ABCC12: variants seen among roughly 807,000 people sequenced by gnomAD.
ABCC12 encodes ATP-binding cassette sub-family C member 12.
A neutral mutation model predicts 151.1 loss-of-function variants in ABCC12; 142 were observed. The ratio of observed to expected loss-of-function variants is 0.94; its 90% CI spans 0.82 to 1.08. The LOEUF is 1.08. ABCC12 is among the 50% of genes least tolerant of loss of function. The pLI, the probability that ABCC12 is intolerant of heterozygous loss-of-function variation, is 0.00. For missense variants in ABCC12, 1,638 were observed against 1,691.1 expected (o/e 0.97, Z 0.55); for synonymous variants, 645 against 646.4 (o/e 1.00, Z 0.03).
At chr16:48,086,431 C>A in intron 28 of ABCC12, 1 of 277,570 alleles carries the variant, frequency 3.6e-6, no homozygotes, top group Non-Finnish European at 7.0e-6. Flanking sequence ...CTAGCCTGGG[C>A]ATGTTACTTC....
chr16:48,096,427 T>G (rs1963096111), intron 24 of ABCC12, among the ~76,000 whole-genome samples: 1 of 152,188 alleles, frequency 6.6e-6, no homozygotes, highest in Admixed American at 6.5e-5. Flanking sequence ...CCAATAACAG[T>G]AAAGCTCCAG....
Position 48,105,198 on chromosome 16 carries a change from CG to C in ABCC12, c.2613del (p.Phe871LeufsTer8), listed in dbSNP as rs1963446963. On this transcript the variant is annotated frameshift_variant, in exon 21 of 31. Coordinates refer to ENST00000311303, the MANE Select transcript of ABCC12 (RefSeq NM_001393797.1). LOFTEE classifies it high-confidence loss of function. ...GCCATCAGTGTGGTCTTGGTGAAGA[CG>C]AAGCCTTTGGTGACGCCAAACACCA... ...FMLVFGVTKG[F>X]VFTKTTLMAS... 1.9e-6 allele frequency: 3 copies of C among 1,614,168 alleles called. No homozygotes were observed. The East Asian group carries it at 6.7e-5, about 36-fold the overall frequency.
intron 7 of ABCC12, among the ~76,000 whole-genome samples, chr16:48,138,736 G>A (rs1277382151): frequency 6.6e-6 from 1 of 152,150 alleles, no homozygotes; most frequent in Non-Finnish European, 1.5e-5. Context: ...GGAGGCTGAG[G>A]CAGGAGGATG....
At chr16:48,137,081 C>T (rs1045472329) in intron 8 of ABCC12, among the ~76,000 whole-genome samples, 1 of 152,134 alleles carries the variant, frequency 6.6e-6, no homozygotes, top group Admixed American at 6.5e-5. Context: ...GCTGAGTGCA[C>T]AATGGATTGC....
chr16:48,085,025 C>G (rs1962524926), intron 29 of ABCC12, among the ~76,000 whole-genome samples: 1 of 152,014 alleles, frequency 6.6e-6, no homozygotes, highest in Admixed American at 6.6e-5. Flanking sequence ...GCATGCAGTG[C>G]CACGGCAGGC....
intron 1 of ABCC12, among the ~76,000 whole-genome samples, chr16:48,154,947 A>ACAGC (rs755487333): frequency 6.6e-6 from 1 of 152,218 alleles, no homozygotes; most frequent in Non-Finnish European, 1.5e-5. Flanking sequence ...CCCAACTCCC[A>ACAGC]CAGCCCCTTC....
rs1567441786 is a variant in ABCC12, at chr16:48,083,182, A to T, written c.*533T>A. 2 of 152,370 alleles carry T rather than the reference A, an allele frequency of 1.3e-5. No individual in the cohort carries two copies. Among genetic ancestry groups the T allele is most frequent in the South Asian group, 4.1e-4 (2 of 4,836 alleles). 9.4% of individuals were successfully genotyped at this position (152,370 alleles called of 1,614,324 possible). On this transcript the variant is annotated 3_prime_UTR_variant, in exon 31 of 31. Transcript: ENST00000311303. ...GAAACATATAATATGATTTTTAAAA[A>T]AATTTTTGGCCAAACACTGTATTCA...
intron 10 of ABCC12, 102 bp from the exon 11 acceptor site, chr16:48,128,839 T>C (rs1964328435): frequency 7.7e-7 from 1 of 1,300,152 alleles, no homozygotes; most frequent in South Asian, 1.4e-5. Flanking sequence ...TTGGCTATTC[T>C]AACCCACCAC....
At position 48,130,824 on chromosome 16, in the gene ABCC12, T is replaced by C; in HGVS notation, c.1200A>G (p.Ala400=). The C allele has an allele frequency of 6.2e-7, 1 of 1,613,718 alleles. No homozygotes were observed. The highest frequency in any genetic ancestry group is 8.5e-7 in the Non-Finnish European group (1 of 1,179,622). The change falls in exon 10 of 31, where the codon GCA becomes GCG. Residue 400 remains alanine (A), a synonymous_variant. Coordinates refer to ENST00000311303, the MANE Select transcript of ABCC12 (RefSeq NM_001393797.1). ...SIAILPFSIK[A]MAEANVSLRR... ...TTAGAGAGACATTCGCTTCAGCCAT[T>C]GCTTTGATGGAGAAGGGCAAGATTG...
intron 13 of ABCC12, among the ~76,000 whole-genome samples, chr16:48,120,338 G>A (rs1009353875): frequency 5.3e-5 from 8 of 152,140 alleles, no homozygotes; most frequent in African/African-American, 1.2e-4. Context: ...ATGAGAGGGC[G>A]CACGGATGAA....
intron 10 of ABCC12, among the ~76,000 whole-genome samples, chr16:48,129,843 C>T (rs1025519253): frequency 1.3e-5 from 2 of 152,154 alleles, no homozygotes; most frequent in African/African-American, 2.4e-5. Flanking sequence ...AGCACCTTTA[C>T]TTTTTTATCT....
rs138809196 is a variant in ABCC12 at position 48,155,581 on chromosome 16, C to A, written c.-320+260G>T. On this transcript the variant is annotated intron_variant, in intron 1 of 30. Coordinates refer to ENST00000311303, the MANE Select transcript of ABCC12 (RefSeq NM_001393797.1). ...TTTTGTATTTCAGAGATTTTGAAAT[C>A]GCGTCTTGGCATTTCTGCCTTTTCT... Among the ~76,000 whole-genome samples the A allele has an allele frequency of 5.9e-5, 9 of 152,160 alleles. No homozygotes were observed. In the East Asian group the frequency reaches 1.2e-3, roughly 20 times the overall value.
intron 2 of ABCC12, among the ~76,000 whole-genome samples, chr16:48,148,967 G>A (rs8052732): frequency 0.12 from 18,015 of 151,528 alleles, 1,445 homozygotes; most frequent in African/African-American, 0.24. Context: ...CTGGTACATC[G>A]GAAATGTTTA....
intron 15 of ABCC12, among the ~76,000 whole-genome samples, chr16:48,114,588 G>A (rs549695409): frequency 6.6e-6 from 1 of 152,142 alleles, no homozygotes; most frequent in East Asian, 1.9e-4. Flanking sequence ...CTCTCGTCGG[G>A]CAAGGAGACA....
intron 3 of ABCC12, among the ~76,000 whole-genome samples, chr16:48,145,850 A>C (rs942134028): frequency 6.6e-6 from 1 of 152,224 alleles, no homozygotes; most frequent in Admixed American, 6.5e-5. Context: ...GCTTTATTTT[A>C]TGGGTCACCC....
rs573196883 is a variant in ABCC12 at position 48,111,478 on chromosome 16, C to G, written c.2239G>C (p.Gly747Arg). 1 of 1,614,162 alleles carries G rather than the reference C, an allele frequency of 6.2e-7. No individual in the cohort carries two copies. Among genetic ancestry groups the G allele is most frequent in the Admixed American group, 1.7e-5 (1 of 60,024 alleles). ...TCTGAGCCTGTTTCAGATTCTTTTC[C>G]TTCATCTTTCTCATTTCCTGGAGCC... ...VLAPGNEKDE[G>R]KESETGSEFV... Residue 747 changes from glycine (G) to arginine (R), a missense_variant, in exon 18 of 31, where the codon GGA becomes CGA. Physicochemically the swap from Gly to Arg is moderately radical, Grantham distance 125 (BLOSUM62 -2). Coordinates refer to ENST00000311303, the MANE Select transcript of ABCC12 (RefSeq NM_001393797.1).
In ABCC12 at chr16:48,139,291, C is replaced by T. The variant is rs996174422; in HGVS notation, c.703G>A (p.Ala235Thr). The T allele has an allele frequency of 3.1e-6, 5 of 1,613,674 alleles. No individual in the cohort carries two copies. Among genetic ancestry groups the T allele is most frequent in the Non-Finnish European group, 4.2e-6 (5 of 1,179,920 alleles). ...SSDSYSLFEAALFCPLPATIP... is the reference protein window; with the variant it reads ...SSDSYSLFEATLFCPLPATIP... ...GTGGCTGGCAAAGGACAAAACAAGG[C>T]AGCTTCAAACAAAGAATAGCTATCA... Residue 235 changes from alanine to threonine, a missense_variant, in exon 7 of 31, where the codon GCC (alanine) becomes ACC (threonine). By Grantham distance (58) the Ala-to-Thr change is moderately conservative. Transcript: ENST00000311303.
intron 22 of ABCC12, among the ~76,000 whole-genome samples, chr16:48,101,902 C>A (rs1167171882): frequency 6.6e-6 from 1 of 152,154 alleles, no homozygotes; most frequent in African/African-American, 2.4e-5. Context: ...TGCTTTTATC[C>A]TGTAAATGAC....
intron 7 of ABCC12, 137 bp downstream of exon 7, chr16:48,139,026 T>G: frequency 1.9e-6 from 2 of 1,058,982 alleles, no homozygotes; most frequent in Non-Finnish European, 2.7e-6. Context: ...CACTACTCTG[T>G]GCCAAAGGAA....
Sources: allele counts gnomAD v4.1 joint callset (sites outside exome capture counted in the v4.1 genomes callset), GRCh38; gene constraint gnomAD v4.1.1; transcripts MANE v1.5; gene names NCBI Gene and HGNC (gene_info 2026-07-23, HGNC 2026-07-21).